The following ASTN1 variants were observed in gnomAD, a reference collection of about 807,000 sequenced individuals.
ASTN1 encodes astrotactin-1.
In ASTN1, 41 loss-of-function variants were observed where a neutral mutation model predicts 140.7. The observed-to-expected ratio is 0.29, with a 90% CI of 0.23 to 0.38. The LOEUF (loss-of-function observed/expected upper bound fraction) is 0.38. Ranked by LOEUF, ASTN1 falls within the 10% of genes least tolerant of loss-of-function variation. The pLI, the probability that ASTN1 is intolerant of heterozygous loss-of-function variation, is 1.00. For missense variants in ASTN1, 1,479 were observed against 1,678.8 expected (o/e 0.88, Z 2.08); for synonymous variants, 640 against 652.2 (o/e 0.98, Z 0.29).
intron 7 of ASTN1, among the ~76,000 whole-genome samples, chr1:177,015,901 T>G (rs1171993134): frequency 6.6e-6 from 1 of 152,216 alleles, no homozygotes; most frequent in Non-Finnish European, 1.5e-5. Context: ...TCCTACTATT[T>G]AAATGTCTGC....
At chr1:177,114,470 T>A (rs899807658) in intron 1 of ASTN1, among the ~76,000 whole-genome samples, 1 of 152,056 alleles carries the variant, frequency 6.6e-6, no homozygotes, top group African/African-American at 2.4e-5. Flanking sequence ...TTTAAGATAA[T>A]TATAGATTTA....
intron 8 of ASTN1, among the ~76,000 whole-genome samples, chr1:176,994,001 T>C (rs1473551626): frequency 6.8e-6 from 1 of 146,338 alleles, no homozygotes; most frequent in Non-Finnish European, 1.5e-5. Context: ...CATTTAGATG[T>C]GAGAACTGTG....
At chr1:177,115,857 A>G (rs756319933) in intron 1 of ASTN1, among the ~76,000 whole-genome samples, 6 of 152,146 alleles carry the variant, frequency 3.9e-5, no homozygotes, top group Non-Finnish European at 8.8e-5. Context: ...ATGCCGATGT[A>G]TCTACACACG....
chr1:176,858,968 C>T (rs1329750168), downstream of ASTN1, among the ~76,000 whole-genome samples: 1 of 152,212 alleles, frequency 6.6e-6, no homozygotes, highest in Admixed American at 6.5e-5. Flanking sequence ...TGAGACTCTG[C>T]TTCTTCTTTC....
At chr1:176,934,444 A>T in intron 15 of ASTN1, 104 bp from the exon 16 acceptor site, 1 of 1,181,936 alleles carries the variant, frequency 8.5e-7, no homozygotes, top group Non-Finnish European at 1.2e-6. Flanking sequence ...GTGTGGCTCA[A>T]AGTGATGTGG....
At chr1:176,893,175 G>GTTGCAAGGATGGTTTTGCGA (rs1337349057) in intron 17 of ASTN1, among the ~76,000 whole-genome samples, 1 of 152,174 alleles carries the variant, frequency 6.6e-6, no homozygotes, top group Non-Finnish European at 1.5e-5. Context: ...TGCACGCCCT[G>GTTGCAAGGATGGTTTTGCGA]TTGCAAGGAT....
intron 8 of ASTN1, among the ~76,000 whole-genome samples, chr1:177,010,140 C>T (rs1050999719): frequency 2.0e-5 from 3 of 152,170 alleles, no homozygotes; most frequent in Non-Finnish European, 2.9e-5. Flanking sequence ...ATCAATCTCT[C>T]TTGCCTCCTC....
intron 17 of ASTN1, among the ~76,000 whole-genome samples, chr1:176,889,098 G>A (rs556349595): frequency 6.6e-6 from 1 of 152,164 alleles, no homozygotes; most frequent in Non-Finnish European, 1.5e-5. Context: ...CATGCAGAGG[G>A]TTCATAGAGA....
intron 1 of ASTN1, among the ~76,000 whole-genome samples, chr1:177,146,662 G>T (rs1234264773): frequency 6.6e-6 from 1 of 152,054 alleles, no homozygotes; most frequent in Non-Finnish European, 1.5e-5. Context: ...GCTCACTACG[G>T]CATTTACAAG....
intron 1 of ASTN1, among the ~76,000 whole-genome samples, chr1:177,091,305 C>T (rs1679740216): frequency 6.6e-6 from 1 of 152,168 alleles, no homozygotes; most frequent in African/African-American, 2.4e-5. Context: ...TGACTCACAT[C>T]AGGCTTCCTG....
downstream of ASTN1, chr1:176,857,748 A>C (rs1667856087): frequency 2.4e-6 from 1 of 423,272 alleles, no homozygotes; most frequent in African/African-American, 2.0e-5. Flanking sequence ...AATGGATGTG[A>C]GAACAAAGAG....
intron 7 of ASTN1, among the ~76,000 whole-genome samples, chr1:177,017,944 A>G (rs1011131963): frequency 2.6e-4 from 39 of 152,214 alleles, no homozygotes; most frequent in African/African-American, 8.9e-4. Flanking sequence ...GTCCTCAGAC[A>G]TGGCTGGGCT....
intron 20 of ASTN1, among the ~76,000 whole-genome samples, chr1:176,877,449 C>G (rs543572410): frequency 3.9e-5 from 6 of 152,254 alleles, no homozygotes; most frequent in African/African-American, 1.4e-4. Flanking sequence ...CCACTGTGGA[C>G]CAGGAATCCA....
At chr1:176,906,843 CAAAAAAA>C (rs35062067) in intron 16 of ASTN1, among the ~76,000 whole-genome samples, 2 of 86,516 alleles carry the variant, frequency 2.3e-5, no homozygotes, top group Non-Finnish European at 4.9e-5. Context: ...GACTCTCTCT[CAAAAAAA>C]AAAAAAAAAA....
At chr1:176,895,866 G>A (rs1375603904) in intron 16 of ASTN1, among the ~76,000 whole-genome samples, 1 of 152,114 alleles carries the variant, frequency 6.6e-6, no homozygotes, top group Non-Finnish European at 1.5e-5. Context: ...ACTTCTTTTT[G>A]CACAGTTGTA....
chr1:177,096,100 A>G (rs1680013119), intron 1 of ASTN1, among the ~76,000 whole-genome samples: 1 of 152,208 alleles, frequency 6.6e-6, no homozygotes, highest in Admixed American at 6.5e-5. Flanking sequence ...TTCTTTTGGA[A>G]TGAAAATGTC....
intron 16 of ASTN1, among the ~76,000 whole-genome samples, chr1:176,900,056 G>A (rs1379819022): frequency 6.6e-6 from 1 of 152,034 alleles, no homozygotes; most frequent in African/African-American, 2.4e-5. Flanking sequence ...TGAACATATT[G>A]GAGTGAATAT....
At chr1:176,905,233 TACA>T (rs745397727) in intron 16 of ASTN1, among the ~76,000 whole-genome samples, 3 of 152,194 alleles carry the variant, frequency 2.0e-5, no homozygotes, top group Non-Finnish European at 4.4e-5. Context: ...AGCTGAATGT[TACA>T]ACATGACCTG....
At chr1:176,857,563 AG>A, downstream of ASTN1, 1 of 531,832 alleles carries the variant, frequency 1.9e-6, no homozygotes, top group Non-Finnish European at 3.4e-6. Flanking sequence ...CATCTGAGGC[AG>A]GGAGAAGGGG....
Sources: gnomAD v4.1 joint callset for allele counts (sites outside exome capture counted in the v4.1 genomes callset) on GRCh38, gnomAD v4.1.1 for gene constraint, MANE v1.5 for transcripts, NCBI Gene and HGNC (gene_info 2026-07-23, HGNC 2026-07-21) for gene names.